RALGPS2: variants seen among roughly 807,000 people sequenced by gnomAD.
The protein encoded by RALGPS2 is ras-specific guanine nucleotide-releasing factor RalGPS2.
RALGPS2 carries 43 observed loss-of-function variants against 86.8 expected under a neutral mutation model. The ratio of observed to expected loss-of-function variants is 0.50; its 90% confidence interval spans 0.39 to 0.64. The LOEUF (loss-of-function observed/expected upper bound fraction) is 0.64. RALGPS2 is among the 30% of genes least tolerant of loss of function. RALGPS2 has a pLI of 0.00. For missense variants in RALGPS2, 536 were observed against 694.6 expected, an observed-to-expected ratio of 0.77 and a Z score of 2.57; for synonymous variants, 243 against 231.3, an observed-to-expected ratio of 1.05 and a Z score of -0.46.
intron 8 of RALGPS2, among the ~76,000 whole-genome samples, chr1:178,847,748 T>G (rs377670554): frequency 6.6e-6 from 1 of 152,146 alleles, no homozygotes; most frequent in Non-Finnish European, 1.5e-5. Flanking sequence ...TCCTAAGAAA[T>G]ATAATGCTAA....
intron 4 of RALGPS2, among the ~76,000 whole-genome samples, chr1:178,797,308 C>T (rs1198660446): frequency 6.6e-6 from 1 of 151,448 alleles, no homozygotes; most frequent in Non-Finnish European, 1.5e-5. Flanking sequence ...AAGGGAAAAG[C>T]AATTTTTTTT....
chr1:178,865,216 A>G (rs761575275), intron 8 of RALGPS2: 11 of 1,613,946 alleles, frequency 6.8e-6, no homozygotes, highest in Non-Finnish European at 7.6e-6. Context: ...CAGATTGGTT[A>G]TTGACAAGAT....
At position 178,851,054 on chromosome 1, in the gene RALGPS2, T is replaced by C. The variant is rs1349695374; in HGVS notation, c.607+17504T>C. The C allele has an allele frequency of 3.6e-6, 5 of 1,381,896 alleles. No homozygotes were observed. The South Asian group carries it at 4.7e-5, about 13-fold the overall frequency. 85.6% of individuals were successfully genotyped at this position (1,381,896 alleles called of 1,614,324 possible). Reference sequence around the variant, plus strand: ...TAGAAATAAATTGTGCCAAGTAATATACATGTAACATTTACATTTTTAAGA... The same window carrying C: ...TAGAAATAAATTGTGCCAAGTAATACACATGTAACATTTACATTTTTAAGA... On this transcript the variant is annotated intron_variant, in intron 8 of 19. Coordinates refer to ENST00000367635, the MANE Select transcript of RALGPS2 (RefSeq NM_152663.5).
intron 3 of RALGPS2, among the ~76,000 whole-genome samples, chr1:178,784,839 C>G (rs1653572577): frequency 6.6e-6 from 1 of 151,616 alleles, no homozygotes; most frequent in Non-Finnish European, 1.5e-5. Flanking sequence ...GTTGACATAT[C>G]TAAGAAACAT....
At chr1:178,848,324 A>G (rs954137845) in intron 8 of RALGPS2, among the ~76,000 whole-genome samples, 2 of 152,106 alleles carry the variant, frequency 1.3e-5, no homozygotes, top group Admixed American at 6.6e-5. Context: ...AAAAACAAAA[A>G]GAAAAATTAA....
chr1:178,838,859 T>A (rs1468255437), intron 8 of RALGPS2, among the ~76,000 whole-genome samples: 1 of 152,090 alleles, frequency 6.6e-6, no homozygotes, highest in Admixed American at 6.5e-5. Flanking sequence ...AAGAACTACG[T>A]GACACATGCA....
intron 19 of RALGPS2, among the ~76,000 whole-genome samples, chr1:178,907,670 A>G (rs1660444261): frequency 6.6e-6 from 1 of 152,224 alleles, no homozygotes; most frequent in Non-Finnish European, 1.5e-5. Context: ...GTTGTTTGTT[A>G]AATATATTTG....
At chr1:178,740,997 C>G (rs545371858) in intron 1 of RALGPS2, among the ~76,000 whole-genome samples, 1 of 152,062 alleles carries the variant, frequency 6.6e-6, no homozygotes, top group Non-Finnish European at 1.5e-5. Flanking sequence ...CAATGCTAAG[C>G]GTATAACAGA....
intron 13 of RALGPS2, among the ~76,000 whole-genome samples, chr1:178,888,046 C>G (rs572828127): frequency 6.6e-6 from 1 of 152,026 alleles, no homozygotes; most frequent in East Asian, 1.9e-4. Context: ...CATGGATGTC[C>G]TTTTGGCTAC....
intron 1 of RALGPS2, among the ~76,000 whole-genome samples, chr1:178,756,277 G>A (rs1191822542): frequency 6.6e-6 from 1 of 151,962 alleles, no homozygotes; most frequent in Non-Finnish European, 1.5e-5. Flanking sequence ...TTTTTCTAGG[G>A]TTCTTATAAT....
At chr1:178,883,957 C>G (rs1659368835) in intron 11 of RALGPS2, among the ~76,000 whole-genome samples, 2 of 151,942 alleles carry the variant, frequency 1.3e-5, no homozygotes, top group Non-Finnish European at 2.9e-5. Context: ...CCACTGCACT[C>G]CAGCCTGTGT....
At chr1:178,891,820 A>C (rs1033916216) in intron 14 of RALGPS2, among the ~76,000 whole-genome samples, 11 of 152,206 alleles carry the variant, frequency 7.2e-5, no homozygotes, top group African/African-American at 2.6e-4. Flanking sequence ...GGGACATATA[A>C]TAAAAATGAA....
intron 8 of RALGPS2, chr1:178,851,020 CTT>C: frequency 1.9e-6 from 2 of 1,071,752 alleles, no homozygotes; most frequent in Non-Finnish European, 2.5e-6. Flanking sequence ...ATTTTAAAAA[CTT>C]TCTGTGTAGA....
At chr1:178,747,122 A>G (rs1651381264) in intron 1 of RALGPS2, 2 of 937,108 alleles carry the variant, frequency 2.1e-6, no homozygotes, top group Admixed American at 1.8e-5. Flanking sequence ...TTTAATGTTA[A>G]TATCATCTCC....
chr1:178,828,265 T>C (rs551816456), intron 7 of RALGPS2, among the ~76,000 whole-genome samples: 2 of 152,288 alleles, frequency 1.3e-5, no homozygotes, highest in African/African-American at 4.8e-5. Context: ...TTCGGAGAAA[T>C]GTGTTGTTTG....
intron 8 of RALGPS2, among the ~76,000 whole-genome samples, chr1:178,845,427 G>A (rs1231952455): frequency 6.6e-6 from 1 of 152,004 alleles, no homozygotes; most frequent in East Asian, 1.9e-4. Flanking sequence ...TCTCTGAAAA[G>A]CACCCTGTTT....
intron 1 of RALGPS2, among the ~76,000 whole-genome samples, chr1:178,762,133 C>T (rs1323039067): frequency 3.3e-5 from 5 of 152,026 alleles, no homozygotes; most frequent in African/African-American, 1.2e-4. Context: ...TTCCTGTGTT[C>T]GCTTAGGATA....
intron 4 of RALGPS2, among the ~76,000 whole-genome samples, chr1:178,803,987 T>G (rs1239520886): frequency 1.3e-5 from 2 of 152,100 alleles, no homozygotes; most frequent in Admixed American, 1.3e-4. Flanking sequence ...AGTGCCCTGG[T>G]TGAGGGAACA....
rs573625825 is a variant in RALGPS2, at chr1:178,921,230, A to G, written c.*4871A>G. The G allele has an allele frequency of 2.0e-5, 3 of 152,180 alleles. No individual in the cohort carries two copies. In the East Asian group the frequency reaches 5.8e-4, roughly 29 times the overall value. 9.4% of individuals were successfully genotyped at this position (152,180 alleles called of 1,614,324 possible). ...TTTGTACTACAGAAGTGATTATGGG[A>G]TTAAAAGAATACATAATTACAGTGT... On this transcript the variant is annotated 3_prime_UTR_variant, in exon 20 of 20. Coordinates refer to ENST00000367635, the MANE Select transcript of RALGPS2 (RefSeq NM_152663.5).
Sources: allele counts gnomAD v4.1 joint callset (sites outside exome capture counted in the v4.1 genomes callset), GRCh38; gene constraint gnomAD v4.1.1; transcripts MANE v1.5; gene names NCBI Gene and HGNC (gene_info 2026-07-23, HGNC 2026-07-21).